Variants in CNOT4 observed in about 807,000 individuals in gnomAD.
The protein encoded by CNOT4 is CCR4-associated factor 4.
Under a neutral mutation model 73.8 loss-of-function variants are expected in CNOT4, and 8 were observed. That is an observed-to-expected ratio of 0.11 (90% CI 0.06 to 0.20). CNOT4 has a LOEUF of 0.20. Ranked by LOEUF, CNOT4 falls within the 10% of genes least tolerant of loss-of-function variation. The pLI is 1.00. For synonymous variants in CNOT4, 293 were observed against 321.1 expected (o/e 0.91, Z 0.94); for missense variants, 564 against 883.4 (o/e 0.64, Z 4.58).
intron 7 of CNOT4, among the ~76,000 whole-genome samples, chr7:135,406,496 C>CA (rs975578904): frequency 7.3e-5 from 11 of 149,704 alleles, no homozygotes; most frequent in South Asian, 4.2e-4. Context: ...GCCATCTCTA[C>CA]AAAAAAAAAG....
chr7:135,439,794 A>G (rs1308582787), intron 1 of CNOT4, among the ~76,000 whole-genome samples: 1 of 152,186 alleles, frequency 6.6e-6, no homozygotes, highest in African/African-American at 2.4e-5. Flanking sequence ...AAAAATCTAG[A>G]AACAGACTCA....
At chr7:135,405,502 T>C (rs1797230549) in intron 7 of CNOT4, among the ~76,000 whole-genome samples, 1 of 152,168 alleles carries the variant, frequency 6.6e-6, no homozygotes. Flanking sequence ...AACTTAAAAA[T>C]AATAAAATAG....
Position 135,471,003 on chromosome 7 carries a change from C to G in CNOT4, c.-92-32580G>C, listed in dbSNP as rs117869867. Among the ~76,000 whole-genome samples the G allele has an allele frequency of 1.3e-4, 20 of 152,256 alleles. No homozygotes were observed. In the East Asian group the frequency reaches 3.7e-3, roughly 28 times the overall value. On this transcript the variant is annotated intron_variant, in intron 1 of 11. Coordinates refer to ENST00000541284, the MANE Select transcript of CNOT4 (RefSeq NM_001190850.2). ...CTCAAACTTAAAACAGATTTTTAAGCCATGAACAAAATCTCGACTTAATTC... is the reference window on the plus strand; with the variant it reads ...CTCAAACTTAAAACAGATTTTTAAGGCATGAACAAAATCTCGACTTAATTC...
At chr7:135,482,461 T>G (rs1175794872) in intron 1 of CNOT4, among the ~76,000 whole-genome samples, 1 of 150,864 alleles carries the variant, frequency 6.6e-6, no homozygotes, top group South Asian at 2.1e-4. Context: ...GAGGCTAAAG[T>G]GAAAGGATCG....
At chr7:135,502,311 T>G (rs2129488188) in intron 1 of CNOT4, among the ~76,000 whole-genome samples, 1 of 152,336 alleles carries the variant, frequency 6.6e-6, no homozygotes, top group Admixed American at 6.5e-5. Flanking sequence ...AGACTCATCT[T>G]CTTCAGGAAG....
intron 10 of CNOT4, chr7:135,384,574 C>T (rs761032059): frequency 1.4e-6 from 1 of 714,716 alleles, no homozygotes; most frequent in African/African-American, 1.7e-5. Context: ...CGTGAGCCAC[C>T]GCGCCTGGCC....
intron 8 of CNOT4, 41 bp from the exon 9 acceptor site, chr7:135,395,924 A>T (rs752099319): frequency 2.9e-6 from 4 of 1,400,342 alleles, no homozygotes; most frequent in Non-Finnish European, 4.0e-6. Context: ...ACATGTTTAT[A>T]CATTTTAATA....
At chr7:135,453,272 T>C (rs1800289226) in intron 1 of CNOT4, among the ~76,000 whole-genome samples, 1 of 152,118 alleles carries the variant, frequency 6.6e-6, no homozygotes, top group Non-Finnish European at 1.5e-5. Flanking sequence ...CAAGACCCAG[T>C]CTTAGCCAGT....
chr7:135,437,340 C>T (rs1203742265), intron 2 of CNOT4, among the ~76,000 whole-genome samples: 1 of 152,122 alleles, frequency 6.6e-6, no homozygotes, highest in Non-Finnish European at 1.5e-5. Flanking sequence ...TAGGTGCTCG[C>T]CACCACGCCT....
chr7:135,370,307 AT>A (rs1795126340), intron 10 of CNOT4, among the ~76,000 whole-genome samples: 1 of 152,204 alleles, frequency 6.6e-6, no homozygotes, highest in Non-Finnish European at 1.5e-5. Flanking sequence ...AAAAGGCAAT[AT>A]TTGTTTATAC....
At chr7:135,474,203 C>G (rs1440850135) in intron 1 of CNOT4, among the ~76,000 whole-genome samples, 1 of 150,892 alleles carries the variant, frequency 6.6e-6, no homozygotes, top group African/African-American at 2.4e-5. Context: ...TGGTCTTGAA[C>G]TCTTGACCTC....
At chr7:135,500,285 A>C (rs747749712) in intron 1 of CNOT4, among the ~76,000 whole-genome samples, 9 of 152,230 alleles carry the variant, frequency 5.9e-5, no homozygotes, top group Non-Finnish European at 1.2e-4. Context: ...GAAGATAATA[A>C]GTGGCAATAC....
intron 10 of CNOT4, among the ~76,000 whole-genome samples, chr7:135,379,236 A>AT (rs1795702864): frequency 6.6e-6 from 1 of 152,216 alleles, no homozygotes; most frequent in Non-Finnish European, 1.5e-5. Flanking sequence ...CGTGTTATAA[A>AT]ACAAAGGTTG....
In CNOT4 at chr7:135,490,403, G is replaced by A. The variant is rs543783078; in HGVS notation, c.-93+19486C>T. 5.3e-5 allele frequency among the ~76,000 whole-genome samples: 8 copies of A among 152,320 alleles called. 1 individual carries two copies. In the South Asian group the frequency reaches 1.7e-3, roughly 32 times the overall value. On this transcript the variant is annotated intron_variant, in intron 1 of 11. Coordinates refer to ENST00000541284, the MANE Select transcript of CNOT4 (RefSeq NM_001190850.2). ...ACACAGGACACTAATCTTGGCAGAGGTTGGAGGAAAACAAGGGTGCTGCTA... is the reference window on the plus strand; with the variant it reads ...ACACAGGACACTAATCTTGGCAGAGATTGGAGGAAAACAAGGGTGCTGCTA...
At chr7:135,384,287 CTCT>C (rs755209508) in intron 10 of CNOT4, 1 of 161,334 alleles carries the variant, frequency 6.2e-6, no homozygotes, top group South Asian at 1.8e-4. Context: ...CTCTCTCTCT[CTCT>C]TTTTTTTTTT....
chr7:135,425,553 G>A (rs1007604143), intron 2 of CNOT4, among the ~76,000 whole-genome samples: 1 of 152,036 alleles, frequency 6.6e-6, no homozygotes, highest in Non-Finnish European at 1.5e-5. Flanking sequence ...CAAAGTCAAC[G>A]TTGTTGGAAC....
intron 10 of CNOT4, among the ~76,000 whole-genome samples, chr7:135,372,555 GTTTTTTTTT>G (rs10617849): frequency 7.5e-5 from 9 of 119,290 alleles, no homozygotes; most frequent in African/African-American, 2.3e-4. Flanking sequence ...TTGCTACCAT[GTTTTTTTTT>G]TTTTTTTTTG....
chr7:135,440,659 C>T (rs1585646448), intron 1 of CNOT4, among the ~76,000 whole-genome samples: 2 of 152,084 alleles, frequency 1.3e-5, no homozygotes, highest in Admixed American at 6.6e-5. Context: ...CAGTGGCTCA[C>T]GCCTATAATC....
chr7:135,420,990 A>T (rs1798159746), intron 3 of CNOT4, among the ~76,000 whole-genome samples: 1 of 152,160 alleles, frequency 6.6e-6, no homozygotes, highest in Non-Finnish European at 1.5e-5. Flanking sequence ...GTATCATGTA[A>T]CTAACGACTG....
Sources: allele counts gnomAD v4.1 joint callset (sites outside exome capture counted in the v4.1 genomes callset), GRCh38; gene constraint gnomAD v4.1.1; transcripts MANE v1.5; gene names NCBI Gene and HGNC (gene_info 2026-07-23, HGNC 2026-07-21).